The following GCNT1 variants were observed in gnomAD, a reference collection of about 807,000 sequenced individuals.
GCNT1 encodes the protein beta-1,3-galactosyl-O-glycosyl-glycoprotein beta-1,6-N-acetylglucosaminyltransferase.
A neutral mutation model predicts 26.2 loss-of-function variants in GCNT1; 16 were observed. That is an observed-to-expected ratio of 0.61 (90% CI 0.41 to 0.93). The LOEUF (loss-of-function observed/expected upper bound fraction) is 0.93. GCNT1 is among the 40% of genes least tolerant of loss of function. The probability of loss-of-function intolerance (pLI) is 0.00; values close to 1 mark genes in which losing one functional copy is unlikely to be tolerated. For synonymous variants in GCNT1, 183 were observed against 190.8 expected, an observed-to-expected ratio of 0.96 and a Z score of 0.34; for missense variants, 477 against 526.7, an observed-to-expected ratio of 0.91 and a Z score of 0.92.
At chr9:76,430,649 G>A (rs1199046575) in intron 1 of GCNT1, among the ~76,000 whole-genome samples, 2 of 152,004 alleles carry the variant, frequency 1.3e-5, no homozygotes, top group African/African-American at 4.8e-5. Flanking sequence ...GTCTCCCAAA[G>A]TGCTGGGATT....
intron 2 of GCNT1, among the ~76,000 whole-genome samples, chr9:76,479,410 G>C (rs1208739485): frequency 6.6e-6 from 1 of 152,138 alleles, no homozygotes; most frequent in African/African-American, 2.4e-5. Flanking sequence ...GGTATTTCTA[G>C]TTCTAGATCC....
intron 1 of GCNT1, among the ~76,000 whole-genome samples, chr9:76,449,323 A>C (rs78052269): frequency 0.28 from 42,284 of 150,810 alleles, 6,201 homozygotes; most frequent in Non-Finnish European, 0.32. Flanking sequence ...AAAAAAAAAA[A>C]CAAGCAAATA....
At chr9:76,466,787 G>A (rs1021122875) in intron 2 of GCNT1, among the ~76,000 whole-genome samples, 2 of 152,224 alleles carry the variant, frequency 1.3e-5, no homozygotes, top group African/African-American at 4.8e-5. Flanking sequence ...GACTTTTTCT[G>A]AAGGAAGTGG....
chr9:76,497,355 T>G (rs1291863850), intron 2 of GCNT1, among the ~76,000 whole-genome samples: 1 of 152,242 alleles, frequency 6.6e-6, no homozygotes, highest in African/African-American at 2.4e-5. Flanking sequence ...CTTCTGATTC[T>G]TAGCCGAGTT....
the GCNT1 span, among the ~76,000 whole-genome samples, chr9:76,402,888 C>T: frequency 6.6e-6 from 1 of 152,154 alleles, no homozygotes; most frequent in African/African-American, 2.4e-5. Context: ...CCCTGTTGGC[C>T]AGGTTGGTCT....
intron 3 of GCNT1, among the ~76,000 whole-genome samples, 173 bp downstream of exon 3, chr9:76,501,234 C>T (rs372928546): frequency 2.6e-5 from 4 of 152,110 alleles, no homozygotes; most frequent in Non-Finnish European, 5.9e-5. Flanking sequence ...AGATTTATAA[C>T]GGTCAAATTG....
intron 1 of GCNT1, among the ~76,000 whole-genome samples, chr9:76,434,079 T>C (rs1348600466): frequency 6.6e-6 from 1 of 152,224 alleles, no homozygotes; most frequent in East Asian, 1.9e-4. Flanking sequence ...CACATCTCTC[T>C]CAAGGCTTAT....
At chr9:76,447,085 A>T (rs1823588749) in intron 1 of GCNT1, among the ~76,000 whole-genome samples, 1 of 134,362 alleles carries the variant, frequency 7.4e-6, no homozygotes, top group African/African-American at 2.7e-5. Context: ...AGCCCAGGAG[A>T]TTGAGGCTGC....
At chr9:76,472,291 A>G (rs2131605657) in intron 2 of GCNT1, among the ~76,000 whole-genome samples, 1 of 152,326 alleles carries the variant, frequency 6.6e-6, no homozygotes, top group South Asian at 2.1e-4. Context: ...TCAAAGAAAA[A>G]AAGGAAATGA....
the GCNT1 span, chr9:76,394,067 G>T: frequency 3.2e-6 from 5 of 1,574,254 alleles, no homozygotes; most frequent in Non-Finnish European, 4.3e-6. Context: ...CGGCCCGGGG[G>T]ACTCTGGCCG....
At chr9:76,397,572 T>A in the GCNT1 span, among the ~76,000 whole-genome samples, 1 of 151,802 alleles carries the variant, frequency 6.6e-6, no homozygotes, top group Non-Finnish European at 1.5e-5. Context: ...GCCTCCCGAG[T>A]AGCTGGGACT....
chr9:76,438,402 G>C (rs1280642289), upstream of GCNT1, among the ~76,000 whole-genome samples: 1 of 152,138 alleles, frequency 6.6e-6, no homozygotes, highest in African/African-American at 2.4e-5. Flanking sequence ...GGAGACTAAG[G>C]CCTTATCAGG....
chr9:76,496,663 A>C (rs2131637693), intron 2 of GCNT1, among the ~76,000 whole-genome samples: 1 of 152,164 alleles, frequency 6.6e-6, no homozygotes, highest in South Asian at 2.1e-4. Flanking sequence ...CCCTTCCTTG[A>C]CTAGCTTTCC....
chr9:76,464,038 G>GT lies in GCNT1; in HGVS notation c.-290+3876dup, dbSNP rs67210919. On this transcript the variant is annotated intron_variant, in intron 2 of 3. Coordinates refer to ENST00000376730, the MANE Select transcript of GCNT1 (RefSeq NM_001490.5). ...TAGCGAGACTCCCATCTCTTTTTTT[G>GT]TTTTTTTTTTTTTTTGTAAAAATAA... 5.5e-3 allele frequency among the ~76,000 whole-genome samples: 713 copies of GT among 129,410 alleles called. 7 individuals are homozygous for GT. The highest frequency in any genetic ancestry group is 0.03 in the East Asian group (127 of 4,260). 84.9% of individuals were successfully genotyped at this position (129,410 alleles called of 152,430 possible).
At chr9:76,472,137 T>C (rs940433939) in intron 2 of GCNT1, among the ~76,000 whole-genome samples, 3 of 151,562 alleles carry the variant, frequency 2.0e-5, no homozygotes, top group African/African-American at 7.3e-5. Context: ...AATAGCCAGG[T>C]GTGGTGGCGT....
At chr9:76,422,611 A>T (rs1823210825) in intron 1 of GCNT1, among the ~76,000 whole-genome samples, 1 of 152,038 alleles carries the variant, frequency 6.6e-6, no homozygotes, top group South Asian at 2.1e-4. Context: ...TGGTGTGATT[A>T]TGGCTCACTG....
intron 1 of GCNT1, among the ~76,000 whole-genome samples, chr9:76,428,292 T>TAAAAAAAAAAAAAAAAATAA (rs1279001629): frequency 1.2e-5 from 1 of 85,894 alleles, no homozygotes; most frequent in East Asian, 2.3e-4. Context: ...AAAAAAAACT[T>TAAAAAAAAAAAAAAAAATAA]AAAAAAAAAA....
chr9:76,447,733 A>G (rs575252651), intron 1 of GCNT1, among the ~76,000 whole-genome samples: 2 of 152,322 alleles, frequency 1.3e-5, no homozygotes, highest in African/African-American at 2.4e-5. Flanking sequence ...AATAATTTTT[A>G]TATCTAGAAC....
intron 1 of GCNT1, among the ~76,000 whole-genome samples, chr9:76,425,011 C>T (rs1011373960): frequency 7.3e-5 from 11 of 151,556 alleles, no homozygotes; most frequent in Admixed American, 1.3e-4. Context: ...TGGTATCACG[C>T]GCCTGTAGTC....
Sources: allele counts gnomAD v4.1 joint callset (sites outside exome capture counted in the v4.1 genomes callset), GRCh38; gene constraint gnomAD v4.1.1; transcripts MANE v1.5; gene names NCBI Gene and HGNC (gene_info 2026-07-23, HGNC 2026-07-21).